The following NBPF8 variants were observed in gnomAD, a reference collection of about 807,000 sequenced individuals.
NBPF8 encodes the protein NBPF family member NBPF8.
rs1313037930 is a variant in NBPF8 at position 120,423,415 on chromosome 1, G to T, written n.270-2332G>T. The stretch of plus-strand genomic sequence containing the variant: ...AAATTGTCTCTAAACCTCCATGGAA[G>T]ATCAGTGGACTGTATGTAGGCCTGC... On this transcript the variant is annotated intron_variant and non_coding_transcript_variant, in intron 1 of 28. Transcript: ENST00000652355. Among the ~76,000 whole-genome samples, 3 of 107,746 alleles carry T rather than the reference G, an allele frequency of 2.8e-5. 1 individual carries two copies. The highest frequency in any genetic ancestry group is 1.5e-4 in the African/African-American group (3 of 19,642). 70.7% of individuals were successfully genotyped at this position (107,746 alleles called of 152,430 possible).
chr1:120,425,357 G>T (rs1486974276), intron 1 of NBPF8, among the ~76,000 whole-genome samples: 2 of 152,186 alleles, frequency 1.3e-5, no homozygotes, highest in East Asian at 3.9e-4. Flanking sequence ...GGACATGCTG[G>T]CAGCAATACT....
chr1:120,429,434 G>A (rs1241190330), intron 3 of NBPF8, among the ~76,000 whole-genome samples: 1 of 152,120 alleles, frequency 6.6e-6, no homozygotes, highest in Non-Finnish European at 1.5e-5. Flanking sequence ...GCAGGCTGGA[G>A]GTCATGGCGG....
chr1:120,445,734 C>T, intron 7 of NBPF8: 2 of 238,358 alleles, frequency 8.4e-6, no homozygotes, highest in East Asian at 7.7e-5. Flanking sequence ...TTGAAGGTCT[C>T]CTTGTGAACA....
At chr1:120,434,505 C>T (rs1335577246), upstream of NBPF8, among the ~76,000 whole-genome samples, 1 of 148,022 alleles carries the variant, frequency 6.8e-6, no homozygotes, top group South Asian at 2.1e-4. Context: ...TATCCCTCCC[C>T]CAGCCCTCAC....
At chr1:120,451,379 G>T in intron 12 of NBPF8, 97 bp downstream of exon 10, 1 of 245,454 alleles carries the variant, frequency 4.1e-6, no homozygotes, top group Non-Finnish European at 7.5e-6. Flanking sequence ...CTGGGCCAGG[G>T]GAAGGGCAGG....
chr1:120,452,827 C>T (rs1553249123), intron 13 of NBPF8, among the ~76,000 whole-genome samples: 10 of 152,130 alleles, frequency 6.6e-5, no homozygotes, highest in Non-Finnish European at 8.8e-5. Flanking sequence ...TGAAGGCCCT[C>T]GCCGTGTGAT....
chr1:120,431,534 G>A (rs1660879882), upstream of NBPF8, among the ~76,000 whole-genome samples: 1 of 151,594 alleles, frequency 6.6e-6, no homozygotes, highest in African/African-American at 2.4e-5. Context: ...AGGAAAAGAT[G>A]CTCCACTGTT....
chr1:120,435,879 A>T (rs1661060102), upstream of NBPF8, among the ~76,000 whole-genome samples: 1 of 150,946 alleles, frequency 6.6e-6, no homozygotes, highest in African/African-American at 2.4e-5. Flanking sequence ...AAAATAAAAA[A>T]GTCAAAACAA....
intron 15 of NBPF8, 90 bp downstream of exon 13, chr1:120,454,204 G>A: frequency 1.3e-6 from 2 of 1,497,924 alleles, no homozygotes; most frequent in Admixed American, 1.8e-5. Flanking sequence ...AAATTCATTT[G>A]AATAAAAAAC....
exon 1 of NBPF8, chr1:120,436,566 T>A: frequency 6.4e-7 from 1 of 1,556,670 alleles, no homozygotes; most frequent in East Asian, 2.2e-5. Context: ...AAGGCAGAGA[T>A]GAACATTCTA....
At chr1:120,459,603 G>T (rs1661517952) in intron 17 of NBPF8, 73 bp downstream of exon 15, 3 of 1,375,834 alleles carry the variant, frequency 2.2e-6, no homozygotes, top group Non-Finnish European at 3.0e-6. Flanking sequence ...TTTGGGCCTT[G>T]TGCCGCTTGT....
exon 25 of NBPF8, chr1:120,466,362 G>T (rs878901632): frequency 3.1e-6 from 4 of 1,274,894 alleles, no homozygotes; most frequent in South Asian, 1.4e-5. Context: ...TATTCTCAGA[G>T]CATGCCAGTG....
At chr1:120,433,186 G>T (rs1216594542), upstream of NBPF8, 2 of 152,136 alleles carry the variant, frequency 1.3e-5, no homozygotes, top group African/African-American at 4.8e-5. Context: ...AGAGAAATTT[G>T]AAAGCTAGTT....
exon 15 of NBPF8, chr1:120,454,081 G>A (rs1661364962): frequency 1.9e-6 from 3 of 1,613,216 alleles, no homozygotes; most frequent in South Asian, 1.1e-5. Flanking sequence ...ATCCTCTCAT[G>A]TTGAATGGGA....
chr1:120,436,073 G>A (rs1262221425), upstream of NBPF8, among the ~76,000 whole-genome samples: 3 of 151,876 alleles, frequency 2.0e-5, no homozygotes, highest in South Asian at 2.1e-4. Context: ...AAGGGTACAC[G>A]AATACTGAGA....
rs1415087300 is a variant in NBPF8, at chr1:120,423,998, A to G, written n.270-1749A>G. Among the ~76,000 whole-genome samples the G allele has an allele frequency of 1.4e-4, 21 of 151,944 alleles. 1 individual carries two copies. The highest frequency in any genetic ancestry group is 4.6e-4 in the African/African-American group (19 of 41,374). ...TCCCCCATTGTTAATGTACAACCCAATGATGTAAGTTGATTTATCGAATTG... is the reference window on the plus strand; with the variant it reads ...TCCCCCATTGTTAATGTACAACCCAGTGATGTAAGTTGATTTATCGAATTG... On this transcript the variant is annotated intron_variant and non_coding_transcript_variant, in intron 1 of 28. Coordinates refer to the NBPF8 transcript ENST00000652355.
Position 120,451,999 on chromosome 1 carries a change from G to A in NBPF8, n.2075-118G>A, listed in dbSNP as rs1661288370. ...GCCACAGACATTCCTTTCAACATGT[G>A]CTGACCTTCTGTTTCAAGGTCTCCT... On this transcript the variant is annotated intron_variant and non_coding_transcript_variant, in intron 12 of 24. Coordinates refer to ENST00000583271, the Ensembl canonical transcript of NBPF8. The A allele has an allele frequency of 2.7e-6, 3 of 1,126,822 alleles. No homozygotes were observed. In the African/African-American group the frequency reaches 4.6e-5, roughly 17 times the overall value. 69.8% of individuals were successfully genotyped at this position (1,126,822 alleles called of 1,614,324 possible). A position where few individuals can be genotyped will look rare whatever the true frequency, so the allele number is the denominator to read the frequency against.
intron 23 of NBPF8, among the ~76,000 whole-genome samples, chr1:120,464,869 T>G (rs1246087690): frequency 1.0e-5 from 1 of 99,834 alleles, no homozygotes; most frequent in Non-Finnish European, 2.1e-5. Flanking sequence ...CCTTTTTCAC[T>G]CTAATTTCAG....
rs1182143867 is a variant in NBPF8 at position 120,424,593 on chromosome 1, G to A, written n.270-1154G>A. Among the ~76,000 whole-genome samples the A allele has an allele frequency of 5.9e-4, 90 of 152,146 alleles. 2 individuals carry two copies. The highest frequency in any genetic ancestry group is 1.3e-3 in the Admixed American group (20 of 15,284). On this transcript the variant is annotated intron_variant and non_coding_transcript_variant, in intron 1 of 28. Transcript: ENST00000652355. ...ATCCTGAATAGCTGGGATTACAGGC[G>A]CCTGCCACCACACCTGGCTAATGTT...
Sources: gnomAD v4.1 joint callset for allele counts (sites outside exome capture counted in the v4.1 genomes callset) on GRCh38, gnomAD v4.1.1 for gene constraint, MANE v1.5 for transcripts, NCBI Gene and HGNC (gene_info 2026-07-23, HGNC 2026-07-21) for gene names.